The following SDK1 variants were observed in gnomAD, a reference collection of about 807,000 sequenced individuals.
SDK1 encodes sidekick cell adhesion molecule 1.
A neutral mutation model predicts 245.5 loss-of-function variants in SDK1; 157 were observed. That is an observed-to-expected ratio of 0.64 (90% CI 0.56 to 0.73). The LOEUF (loss-of-function observed/expected upper bound fraction) is 0.73. SDK1 is among the 30% of genes least tolerant of loss of function. The pLI is 0.00. For missense variants in SDK1, 3,583 were observed against 3,002.3 expected, an observed-to-expected ratio of 1.19 and a Z score of -4.52; for synonymous variants, 1,647 against 1,278.5, an observed-to-expected ratio of 1.29 and a Z score of -6.15.
intron 4 of SDK1, among the ~76,000 whole-genome samples, chr7:3,706,200 A>G (rs1269598157): frequency 6.6e-6 from 1 of 152,164 alleles, no homozygotes; most frequent in Non-Finnish European, 1.5e-5. Flanking sequence ...ATCTATATTC[A>G]TCAAGGATAT....
intron 5 of SDK1, among the ~76,000 whole-genome samples, chr7:3,877,570 AT>A (rs1781105430): frequency 6.6e-6 from 1 of 152,214 alleles, no homozygotes; most frequent in South Asian, 2.1e-4. Flanking sequence ...TAGATGGTTT[AT>A]CCCTTTTAAC....
intron 35 of SDK1, chr7:4,179,110 A>T (rs1055252543): frequency 6.5e-6 from 1 of 153,376 alleles, no homozygotes; most frequent in East Asian, 1.9e-4. Flanking sequence ...GTGGGAAGCA[A>T]CGTCTATTTT....
At chr7:4,065,321 C>T (rs957140887) in intron 19 of SDK1, among the ~76,000 whole-genome samples, 11 of 151,980 alleles carry the variant, frequency 7.2e-5, no homozygotes, top group African/African-American at 1.9e-4. Flanking sequence ...CCCAAAGCTC[C>T]GAGGAAATGA....
chr7:4,135,804 G>A (rs766466896), intron 28 of SDK1, among the ~76,000 whole-genome samples: 21 of 152,156 alleles, frequency 1.4e-4, no homozygotes, highest in Non-Finnish European at 2.4e-4. Flanking sequence ...ATATTTCATC[G>A]TTTCCCTGGC....
intron 44 of SDK1, among the ~76,000 whole-genome samples, chr7:4,248,167 C>T (rs1356812454): frequency 6.6e-6 from 1 of 152,066 alleles, no homozygotes; most frequent in African/African-American, 2.4e-5. Flanking sequence ...CACATGAACA[C>T]ATATGTACAT....
intron 5 of SDK1, among the ~76,000 whole-genome samples, chr7:3,948,103 G>A (rs566756477): frequency 4.6e-5 from 7 of 152,274 alleles, no homozygotes; most frequent in Admixed American, 1.3e-4. Context: ...TTCAGGTCAC[G>A]TAATATTCTA....
intron 4 of SDK1, among the ~76,000 whole-genome samples, chr7:3,671,495 T>C (rs1239019090): frequency 3.3e-5 from 5 of 152,252 alleles, no homozygotes; most frequent in African/African-American, 1.2e-4. Flanking sequence ...ATTCCTAATT[T>C]GTAAGCTCTG....
intron 1 of SDK1, among the ~76,000 whole-genome samples, chr7:3,504,465 A>AAT (rs1562527068): frequency 6.6e-5 from 10 of 152,122 alleles, no homozygotes; most frequent in Non-Finnish European, 4.4e-5. Context: ...AAAGAAAGAC[A>AAT]TATATGTTGG....
At chr7:4,140,574 G>A (rs183156948) in intron 28 of SDK1, among the ~76,000 whole-genome samples, 6 of 151,998 alleles carry the variant, frequency 3.9e-5, no homozygotes, top group Non-Finnish European at 5.9e-5. Context: ...ACTGCAGCAG[G>A]GGGGAGCTGA....
chr7:4,113,503 A>T, intron 24 of SDK1, 64 bp downstream of exon 24: 1 of 1,559,200 alleles, frequency 6.4e-7, no homozygotes, highest in African/African-American at 1.4e-5. Context: ...GGCACACACT[A>T]ATCCAGGGCT....
chr7:3,861,493 C>T (rs1299553944), intron 5 of SDK1, among the ~76,000 whole-genome samples: 2 of 151,982 alleles, frequency 1.3e-5, no homozygotes, highest in Non-Finnish European at 2.9e-5. Context: ...TCCACTGACC[C>T]CCTGCTGCTT....
intron 1 of SDK1, among the ~76,000 whole-genome samples, chr7:3,389,760 A>AACAG (rs1781701091): frequency 7.1e-6 from 1 of 141,434 alleles, no homozygotes; most frequent in Non-Finnish European, 1.6e-5. Context: ...GAAATAAACA[A>AACAG]AAACAAAAAA....
intron 4 of SDK1, among the ~76,000 whole-genome samples, chr7:3,703,784 T>C (rs1784807442): frequency 6.6e-6 from 1 of 152,248 alleles, no homozygotes; most frequent in Non-Finnish European, 1.5e-5. Context: ...CCTTCAAAAA[T>C]ATCTGTCGTT....
chr7:3,357,328 GT>G (rs560124026), intron 1 of SDK1, among the ~76,000 whole-genome samples: 7 of 52,900 alleles, frequency 1.3e-4, no homozygotes, highest in Non-Finnish European at 2.1e-4. Context: ...TTCTTTTAGT[GT>G]TTTTTTTTTT....
chr7:3,591,781 C>T (rs1203224043), intron 1 of SDK1, among the ~76,000 whole-genome samples: 1 of 152,156 alleles, frequency 6.6e-6, no homozygotes, highest in East Asian at 1.9e-4. Context: ...GCATTTTAAA[C>T]ATGAAGCTCA....
intron 1 of SDK1, among the ~76,000 whole-genome samples, chr7:3,464,304 G>C (rs1481755301): frequency 6.6e-6 from 1 of 152,240 alleles, no homozygotes; most frequent in East Asian, 1.9e-4. Flanking sequence ...CGGGAACATT[G>C]CTTGAGGCCG....
chr7:3,438,006 G>T (rs901340502), intron 1 of SDK1, among the ~76,000 whole-genome samples: 2 of 152,082 alleles, frequency 1.3e-5, no homozygotes, highest in Admixed American at 6.5e-5. Context: ...CTGAGACATT[G>T]TTGGGGCAAG....
rs28454936 is a variant in SDK1, at chr7:3,775,639, T to C, written c.714-45811T>C. On this transcript the variant is annotated intron_variant, in intron 4 of 44. Transcript: ENST00000404826. ...GGCCGGACTGCGGACTGCAGTGGCG[T>C]AATCTCGGCTCACTCCAAGCTCTGC... Among the ~76,000 whole-genome samples the C allele has an allele frequency of 4.5e-3, 686 of 151,316 alleles. 5 individuals carry two copies. Among genetic ancestry groups the C allele is most frequent in the African/African-American group, 0.016 (653 of 41,032 alleles).
intron 1 of SDK1, among the ~76,000 whole-genome samples, chr7:3,595,879 A>T (rs1403497527): frequency 6.7e-6 from 1 of 148,314 alleles, no homozygotes; most frequent in East Asian, 2.0e-4. Context: ...AGGAGGTTAC[A>T]GTCTGTTTAT....
Sources: allele counts gnomAD v4.1 joint callset (sites outside exome capture counted in the v4.1 genomes callset), GRCh38; gene constraint gnomAD v4.1.1; transcripts MANE v1.5; gene names NCBI Gene and HGNC (gene_info 2026-07-23, HGNC 2026-07-21).